Variants in ASIC2 observed in about 807,000 individuals in gnomAD.
The protein encoded by ASIC2 is acid sensing ion channel subunit 2, also known as acid-sensing ion channel 2.
In ASIC2, 25 loss-of-function variants were observed where a neutral mutation model predicts 57.3. The observed-to-expected ratio is 0.44, with a 90% CI of 0.32 to 0.61. The LOEUF (loss-of-function observed/expected upper bound fraction) is 0.61. ASIC2 is among the 20% of genes least tolerant of loss of function. The pLI is 0.06. For missense variants in ASIC2, 641 were observed against 738.1 expected, an observed-to-expected ratio of 0.87 and a Z score of 1.52; for synonymous variants, 319 against 307.5, an observed-to-expected ratio of 1.04 and a Z score of -0.39.
At chr17:33,172,581 A>G (rs1397617084) in intron 1 of ASIC2, among the ~76,000 whole-genome samples, 1 of 152,232 alleles carries the variant, frequency 6.6e-6, no homozygotes, top group Non-Finnish European at 1.5e-5. Flanking sequence ...TGCCACTAGC[A>G]GAGAGGCTAG....
intron 3 of ASIC2, 113 bp downstream of exon 3, chr17:33,088,750 A>G: frequency 7.3e-7 from 1 of 1,366,742 alleles, no homozygotes; most frequent in Non-Finnish European, 9.6e-7. Context: ...ATCTTTCTCT[A>G]GTTTCACAGT....
At chr17:33,945,397 A>G (rs193242870) in intron 1 of ASIC2, among the ~76,000 whole-genome samples, 2 of 152,152 alleles carry the variant, frequency 1.3e-5, no homozygotes, top group East Asian at 3.9e-4. Context: ...CTGTTAACTC[A>G]GATGGAACAA....
chr17:33,425,589 G>A (rs1375243109), intron 1 of ASIC2, among the ~76,000 whole-genome samples: 1 of 152,174 alleles, frequency 6.6e-6, no homozygotes, highest in Non-Finnish European at 1.5e-5. Flanking sequence ...GACTTCATGA[G>A]GGAGGCAGAG....
At chr17:33,805,909 C>A (rs915793528) in intron 1 of ASIC2, among the ~76,000 whole-genome samples, 1 of 152,098 alleles carries the variant, frequency 6.6e-6, no homozygotes, top group African/African-American at 2.4e-5. Context: ...GCTTAAAGCC[C>A]CTGCTCCATC....
rs764903288 is a variant in ASIC2 at position 33,291,771 on chromosome 17, C to G, written c.345G>C (p.Pro115=). The change falls in exon 1 of 10, where the codon CCG becomes CCC. Residue 115 remains proline, a synonymous_variant. Coordinates refer to ENST00000225823, the MANE Select transcript of ASIC2 (RefSeq NM_183377.2). ...SNRLLYWLSF[P]SHTRVHREWS... is the part of the protein sequence containing the mutation. Reference sequence around the variant, plus strand: ...ACTCGCGGTGCACCCGCGTGTGTGACGGGAAGCTGAGCCAGTAGAGCAAGC... The same window carrying G: ...ACTCGCGGTGCACCCGCGTGTGTGAGGGGAAGCTGAGCCAGTAGAGCAAGC... 3.7e-6 allele frequency: 6 copies of G among 1,613,708 alleles called. No individual in the cohort carries two copies. In the South Asian group the frequency reaches 6.6e-5, roughly 18 times the overall value.
At chr17:34,155,009 C>T (rs1904661287) in intron 1 of ASIC2, among the ~76,000 whole-genome samples, 1 of 152,074 alleles carries the variant, frequency 6.6e-6, no homozygotes, top group South Asian at 2.1e-4. Context: ...TCCTCTCTGC[C>T]CCTCCAGTAA....
At chr17:33,906,965 C>A (rs1253613602) in intron 1 of ASIC2, among the ~76,000 whole-genome samples, 2 of 152,120 alleles carry the variant, frequency 1.3e-5, no homozygotes, top group Non-Finnish European at 2.9e-5. Context: ...ATTTCTTGGG[C>A]AGGGTCTCCT....
At chr17:33,199,956 A>G (rs536142948) in intron 1 of ASIC2, among the ~76,000 whole-genome samples, 2 of 152,132 alleles carry the variant, frequency 1.3e-5, no homozygotes, top group African/African-American at 4.8e-5. Flanking sequence ...CTGGAGCCTC[A>G]CCGTGCCCCC....
chr17:33,966,486 C>T (rs572532639), intron 1 of ASIC2, among the ~76,000 whole-genome samples: 8 of 152,166 alleles, frequency 5.3e-5, no homozygotes, highest in East Asian at 3.9e-4. Flanking sequence ...CAAACATATC[C>T]GAACCGCCAT....
At chr17:34,082,903 T>C (rs911976978) in intron 1 of ASIC2, among the ~76,000 whole-genome samples, 10 of 152,234 alleles carry the variant, frequency 6.6e-5, no homozygotes, top group Admixed American at 5.2e-4. Flanking sequence ...TCTTGTCTCC[T>C]ACAATGGGAA....
In ASIC2 at chr17:34,066,820, G is replaced by A. The variant is rs1015021526; in HGVS notation, c.555+89158C>T. On this transcript the variant is annotated intron_variant, in intron 1 of 9. Coordinates refer to the ASIC2 transcript ENST00000359872. The stretch of plus-strand genomic sequence containing the variant: ...AGATGTGAGTCACTGGTTTGGTGAA[G>A]TTTCCAGGGAACTCGAAATCAGAGA... 2.0e-4 allele frequency among the ~76,000 whole-genome samples: 30 copies of A among 152,168 alleles called. 1 individual carries two copies. The highest frequency in any genetic ancestry group is 1.1e-3 in the Admixed American group (17 of 15,276).
intron 1 of ASIC2, among the ~76,000 whole-genome samples, chr17:33,150,730 G>A (rs55697007): frequency 0.061 from 5,409 of 88,344 alleles, 203 homozygotes; most frequent in East Asian, 0.086. Context: ...GGCGCCTGTA[G>A]TCCCAGCTAC....
At chr17:33,737,443 G>T (rs1469998939) in intron 1 of ASIC2, among the ~76,000 whole-genome samples, 1 of 151,728 alleles carries the variant, frequency 6.6e-6, no homozygotes, top group Admixed American at 6.6e-5. Context: ...GGATATCTTG[G>T]GAATGGTTTG....
chr17:33,388,162 AG>A (rs1443447520), intron 1 of ASIC2, among the ~76,000 whole-genome samples: 2 of 152,214 alleles, frequency 1.3e-5, no homozygotes, highest in Non-Finnish European at 2.9e-5. Context: ...GTGATCACTG[AG>A]GCAGATTGAA....
intron 1 of ASIC2, among the ~76,000 whole-genome samples, chr17:34,048,968 T>C (rs1475213901): frequency 1.3e-5 from 2 of 152,160 alleles, no homozygotes; most frequent in Non-Finnish European, 2.9e-5. Flanking sequence ...GTATATCATG[T>C]TTTGTGATGT....
intron 1 of ASIC2, among the ~76,000 whole-genome samples, chr17:33,781,634 C>T (rs1403507292): frequency 6.6e-6 from 1 of 152,152 alleles, no homozygotes; most frequent in Non-Finnish European, 1.5e-5. Context: ...GTCAGCCCTG[C>T]TCCACATAGA....
At chr17:33,835,925 G>A (rs145460017) in intron 1 of ASIC2, among the ~76,000 whole-genome samples, 72 of 151,244 alleles carry the variant, frequency 4.8e-4, no homozygotes, top group African/African-American at 1.7e-3. Flanking sequence ...TGGGATTACA[G>A]GTGCAAGTCA....
chr17:33,756,399 G>A (rs1157191305), intron 1 of ASIC2, among the ~76,000 whole-genome samples: 1 of 152,244 alleles, frequency 6.6e-6, no homozygotes, highest in Non-Finnish European at 1.5e-5. Context: ...TGCAGCTTTA[G>A]GATTAAGAGT....
chr17:33,839,897 G>T (rs1458701080), intron 1 of ASIC2, among the ~76,000 whole-genome samples: 2 of 152,114 alleles, frequency 1.3e-5, no homozygotes, highest in Non-Finnish European at 2.9e-5. Flanking sequence ...ACAGCATCTG[G>T]GCAGCTCCGT....
Sources: allele counts gnomAD v4.1 joint callset (sites outside exome capture counted in the v4.1 genomes callset), GRCh38; gene constraint gnomAD v4.1.1; transcripts MANE v1.5; gene names NCBI Gene and HGNC (gene_info 2026-07-23, HGNC 2026-07-21).